Variants in GOLM1 observed in about 807,000 individuals in gnomAD.
GOLM1 encodes the protein golgi membrane protein 1.
Under a neutral mutation model 50.5 loss-of-function variants are expected in GOLM1, and 31 were observed. The ratio of observed to expected loss-of-function variants is 0.61; its 90% CI spans 0.46 to 0.83. The LOEUF is 0.83. GOLM1 is among the 40% of genes least tolerant of loss of function. The pLI is 0.00. For synonymous variants in GOLM1, 178 were observed against 192.8 expected, an observed-to-expected ratio of 0.92 and a Z score of 0.64; for missense variants, 491 against 501.3, an observed-to-expected ratio of 0.98 and a Z score of 0.20.
intron 3 of GOLM1, among the ~76,000 whole-genome samples, chr9:86,060,642 G>A (rs1834125184): frequency 6.6e-6 from 1 of 151,964 alleles, no homozygotes; most frequent in Non-Finnish European, 1.5e-5. Flanking sequence ...AGCACTTTGG[G>A]AGGCCGAGGC....
intron 1 of GOLM1, chr9:86,080,217 A>T (rs942742792): frequency 2.6e-5 from 4 of 152,246 alleles, no homozygotes; most frequent in African/African-American, 7.2e-5. Context: ...CCTCTGTGTG[A>T]GAGCTACAGA....
rs1833789261 is a variant in GOLM1, at chr9:86,052,527, C to A, written c.364+10G>T. 1 of 1,612,858 alleles carries A rather than the reference C, an allele frequency of 6.2e-7. No individual in the cohort carries two copies. Among genetic ancestry groups the A allele is most frequent in the Non-Finnish European group, 8.5e-7 (1 of 1,178,918 alleles). On this transcript the variant is annotated intron_variant, in intron 4 of 9. Transcript: ENST00000388712. Reference sequence around the variant, plus strand: ...CCAGTGCCTGGTGTGGAGGAGCGAGCGGAACTTACCTTGCAGCACTCGGAT... The same window carrying A: ...CCAGTGCCTGGTGTGGAGGAGCGAGAGGAACTTACCTTGCAGCACTCGGAT...
At chr9:86,053,595 T>C (rs1587712380) in intron 3 of GOLM1, among the ~76,000 whole-genome samples, 4 of 2,042 alleles carry the variant, frequency 2.0e-3, no homozygotes, top group Admixed American at 5.6e-3. Flanking sequence ...ACCACACCAC[T>C]CCACACACAC....
chr9:86,033,535 G>A (rs542920484), intron 8 of GOLM1, 140 bp from the exon 9 acceptor site: 9 of 623,052 alleles, frequency 1.4e-5, no homozygotes, highest in Admixed American at 2.7e-5. Context: ...TGGTAGGGAC[G>A]CAAGGGCTGG....
At chr9:86,039,166 T>C (rs868859243) in intron 6 of GOLM1, among the ~76,000 whole-genome samples, 1 of 152,178 alleles carries the variant, frequency 6.6e-6, no homozygotes, top group African/African-American at 2.4e-5. Context: ...AAAGAAGATA[T>C]ACAAATGGCC....
At chr9:86,092,688 T>G (rs1259835526) in intron 1 of GOLM1, among the ~76,000 whole-genome samples, 1 of 152,230 alleles carries the variant, frequency 6.6e-6, no homozygotes, top group Admixed American at 6.5e-5. Flanking sequence ...GCTTCAGGCC[T>G]GCAAGGTGCC....
intron 9 of GOLM1, among the ~76,000 whole-genome samples, chr9:86,032,078 CAG>C (rs1293073893): frequency 6.6e-6 from 1 of 152,008 alleles, no homozygotes; most frequent in East Asian, 1.9e-4. Context: ...CTACAGAAAA[CAG>C]AGACCAGGCG....
intron 3 of GOLM1, among the ~76,000 whole-genome samples, chr9:86,055,399 G>A (rs536056768): frequency 4.6e-5 from 7 of 152,260 alleles, no homozygotes; most frequent in African/African-American, 1.7e-4. Context: ...CGTGAAAAGC[G>A]AAAAGATTAC....
At position 86,079,047 on chromosome 9, in the gene GOLM1, C is replaced by G. The variant is rs140419649; in HGVS notation, c.129+145G>C. On this transcript the variant is annotated intron_variant, in intron 2 of 9. Coordinates refer to ENST00000388712, the MANE Select transcript of GOLM1 (RefSeq NM_016548.4). Reference sequence around the variant, plus strand: ...TCTGGCCCAGGGCTGTGGGGGTGTGCAGAGCCCTAAACTCACCTTACAAGC... The same window carrying G: ...TCTGGCCCAGGGCTGTGGGGGTGTGGAGAGCCCTAAACTCACCTTACAAGC... 6.8e-4 allele frequency: 427 copies of G among 627,174 alleles called. 1 individual carries two copies. In the African/African-American group the frequency reaches 6.8e-3, roughly 10 times the overall value. The allele number at this position is 627,174 out of a possible 1,614,324, so 38.9% of individuals were successfully genotyped here.
chr9:86,053,510 C>CAA (rs1564347270), intron 3 of GOLM1, among the ~76,000 whole-genome samples: 21 of 53,290 alleles, frequency 3.9e-4, no homozygotes, highest in African/African-American at 4.4e-4. Flanking sequence ...CTACACACTG[C>CAA]TCCACACAAC....
At chr9:86,054,429 G>T (rs908830002) in intron 3 of GOLM1, among the ~76,000 whole-genome samples, 2 of 152,134 alleles carry the variant, frequency 1.3e-5, no homozygotes, top group Non-Finnish European at 2.9e-5. Flanking sequence ...TCACCATGTT[G>T]GCCAGGCTGG....
chr9:86,047,942 A>T (rs1216756858), intron 4 of GOLM1, among the ~76,000 whole-genome samples: 1 of 152,150 alleles, frequency 6.6e-6, no homozygotes, highest in East Asian at 1.9e-4. Flanking sequence ...GGTTTGTTAC[A>T]TATGTATACA....
chr9:86,044,229 G>A (rs1013418510), intron 5 of GOLM1, among the ~76,000 whole-genome samples: 14 of 152,222 alleles, frequency 9.2e-5, no homozygotes, highest in African/African-American at 2.9e-4. Context: ...CTGCCCCCAC[G>A]TGAGAACCAC....
At chr9:86,043,938 T>C (rs1833448497) in intron 5 of GOLM1, among the ~76,000 whole-genome samples, 1 of 152,238 alleles carries the variant, frequency 6.6e-6, no homozygotes, top group Admixed American at 6.5e-5. Flanking sequence ...AGGGAAATAT[T>C]TGCATTAAGG....
chr9:86,042,860 C>T (rs1833404729), intron 5 of GOLM1, among the ~76,000 whole-genome samples: 1 of 152,206 alleles, frequency 6.6e-6, no homozygotes, highest in Non-Finnish European at 1.5e-5. Flanking sequence ...TACCTCCATC[C>T]TCAATTCTGA....
At chr9:86,081,028 G>A (rs1383257117) in intron 1 of GOLM1, among the ~76,000 whole-genome samples, 2 of 152,082 alleles carry the variant, frequency 1.3e-5, no homozygotes, top group East Asian at 3.9e-4. Flanking sequence ...TGGGACTACA[G>A]ACATGGGCCA....
chr9:86,074,105 T>G (rs908905079), intron 3 of GOLM1, among the ~76,000 whole-genome samples: 4 of 152,068 alleles, frequency 2.6e-5, no homozygotes, highest in Admixed American at 2.6e-4. Flanking sequence ...AGGTGTCATT[T>G]GCAAACCACC....
At chr9:86,034,593 G>T (rs1188122603) in intron 8 of GOLM1, among the ~76,000 whole-genome samples, 2 of 152,220 alleles carry the variant, frequency 1.3e-5, no homozygotes, top group Non-Finnish European at 2.9e-5. Flanking sequence ...GGATACTTAG[G>T]GGGAGGCTGA....
chr9:86,026,297 G>GAAAGT lies in GOLM1; in HGVS notation c.*1515_*1519dup, dbSNP rs995032534. ...GCTGGAAGAGGACTTAGAAGAGTATGAAAGTACTCTAAGATTTTATCTAAG... is the reference window on the plus strand; with the variant it reads ...GCTGGAAGAGGACTTAGAAGAGTATGAAAGTAAAGTACTCTAAGATTTTATCTAAG... On this transcript the variant is annotated 3_prime_UTR_variant, in exon 10 of 10. Coordinates refer to ENST00000388712, the MANE Select transcript of GOLM1 (RefSeq NM_016548.4). 9.5e-5 allele frequency: 93 copies of GAAAGT among 983,828 alleles called. No individual in the cohort carries two copies. Among genetic ancestry groups the GAAAGT allele is most frequent in the Admixed American group, 1.8e-4 (3 of 16,264 alleles). 60.9% of individuals were successfully genotyped at this position (983,828 alleles called of 1,614,324 possible). A position where few individuals can be genotyped will look rare whatever the true frequency, so the allele number is the denominator to read the frequency against.
Sources: allele counts gnomAD v4.1 joint callset (sites outside exome capture counted in the v4.1 genomes callset), GRCh38; gene constraint gnomAD v4.1.1; transcripts MANE v1.5; gene names NCBI Gene and HGNC (gene_info 2026-07-23, HGNC 2026-07-21).